The following KIF13B variants were observed in gnomAD, a reference collection of about 807,000 sequenced individuals.
The protein encoded by KIF13B is kinesin family member 13B.
KIF13B carries 127 observed loss-of-function variants against 222.0 expected under a neutral mutation model. The observed-to-expected ratio is 0.57, with a 90% CI of 0.50 to 0.66. The LOEUF is 0.66. Ranked by LOEUF, KIF13B falls within the 30% of genes least tolerant of loss-of-function variation. KIF13B has a pLI of 0.00. For synonymous variants in KIF13B, 976 were observed against 919.0 expected, an observed-to-expected ratio of 1.06 and a Z score of -1.12; for missense variants, 2,173 against 2,379.0, an observed-to-expected ratio of 0.91 and a Z score of 1.80.
intron 1 of KIF13B, among the ~76,000 whole-genome samples, chr8:29,252,573 G>A (rs1326931846): frequency 1.3e-5 from 2 of 152,048 alleles, no homozygotes; most frequent in African/African-American, 4.8e-5. Context: ...TTTAAAGATA[G>A]ATAATAAGCT....
chr8:29,116,933 C>A lies in KIF13B; in HGVS notation c.3735G>T (p.Glu1245Asp). The A allele has an allele frequency of 1.9e-6, 3 of 1,613,236 alleles. No individual in the cohort carries two copies. Among genetic ancestry groups the A allele is most frequent in the Non-Finnish European group, 2.5e-6 (3 of 1,179,378 alleles). ...TCACGCGCACGATCAGGAACAACCG[C>A]TCGTCCACGGGCGTGCCCCTGCTGA... ...PQLSRGTPVDERLFLIVRVTV... is the reference protein window; with the variant it reads ...PQLSRGTPVDDRLFLIVRVTV... Residue 1245 changes from glutamate (E) to aspartate (D), a missense_variant, in exon 31 of 40, where the codon GAG (glutamate) becomes GAT (aspartate). Transcript: ENST00000524189.
chr8:29,245,586 T>C (rs780665290), intron 1 of KIF13B, 147 bp from the exon 2 acceptor site: 4 of 609,580 alleles, frequency 6.6e-6, no homozygotes, highest in Non-Finnish European at 1.1e-5. Context: ...CTCCACTTGA[T>C]AAGGAGCACC....
intron 8 of KIF13B, among the ~76,000 whole-genome samples, chr8:29,178,790 T>A (rs1812591042): frequency 6.6e-6 from 1 of 152,032 alleles, no homozygotes; most frequent in African/African-American, 2.4e-5. Flanking sequence ...CAGATGAAAA[T>A]CCTGCCAAAA....
chr8:29,070,915 T>C lies in KIF13B; in HGVS notation c.5219-149A>G. ...CAGCACTCGGACACTGGCCATTGTCTGGCAGGGACTGGCTAAATGAATGTG... is the reference window on the plus strand; with the variant it reads ...CAGCACTCGGACACTGGCCATTGTCCGGCAGGGACTGGCTAAATGAATGTG... On this transcript the variant is annotated intron_variant, in intron 39 of 39. Transcript: ENST00000524189. The surrounding 1 kb of genome is among the most constrained non-coding windows in gnomAD (Gnocchi z 4.1). 1.1e-6 allele frequency: 1 copy of C among 874,454 alleles called. No individual in the cohort carries two copies. The highest frequency in any genetic ancestry group is 1.8e-6 in the Non-Finnish European group (1 of 570,972). 54.2% of individuals were successfully genotyped at this position (874,454 alleles called of 1,614,324 possible).
At chr8:29,226,875 G>C (rs1021009116) in intron 2 of KIF13B, among the ~76,000 whole-genome samples, 3 of 150,734 alleles carry the variant, frequency 2.0e-5, no homozygotes, top group African/African-American at 7.3e-5. Flanking sequence ...GTTGGAAAAT[G>C]GAAGCAATTA....
At chr8:29,123,293 C>T (rs950147611) in intron 28 of KIF13B, 73 bp downstream of exon 28, 74 of 1,566,208 alleles carry the variant, frequency 4.7e-5, no homozygotes, top group African/African-American at 1.6e-4. Flanking sequence ...CCGTAGCACA[C>T]GCAAAATTCA....
chr8:29,101,129 A>G (rs1314382227), intron 35 of KIF13B, among the ~76,000 whole-genome samples: 1 of 152,172 alleles, frequency 6.6e-6, no homozygotes, highest in Non-Finnish European at 1.5e-5. Flanking sequence ...ACGCTGATTT[A>G]CATACTTGAA....
chr8:29,181,974 C>T lies in KIF13B; in HGVS notation c.530G>A (p.Ser177Asn). 6.2e-7 allele frequency: 1 copy of T among 1,613,566 alleles called. No homozygotes were observed. Among genetic ancestry groups the T allele is most frequent in the South Asian group, 1.1e-5 (1 of 90,988 alleles). ...TCCGTCGACATAAGGTCCCAACACA[C>T]TATGCTCTCTGACTTTCAACGTCTG... The part of the protein sequence containing the change: ...SRQTLKVREH[S>N]VLGPYVDGLS... Residue 177 changes from serine (S) to asparagine (N), a missense_variant, in exon 7 of 40, where the codon AGT (serine) becomes AAT (asparagine). Coordinates refer to ENST00000524189, the MANE Select transcript of KIF13B (RefSeq NM_015254.4).
chr8:29,135,275 G>C (rs568909409), intron 21 of KIF13B, among the ~76,000 whole-genome samples: 1 of 152,146 alleles, frequency 6.6e-6, no homozygotes, highest in Admixed American at 6.5e-5. Flanking sequence ...GAATTCCTGA[G>C]CTCAAGTGAT....
chr8:29,134,352 G>A (rs17059696), intron 21 of KIF13B, 142 bp from the exon 22 acceptor site: 101,077 of 701,972 alleles, frequency 0.14, 8,351 homozygotes, highest in African/African-American at 0.26. Context: ...CCCTGAGACT[G>A]GACTTCTGCA....
At chr8:29,113,607 T>C in intron 31 of KIF13B, 52 bp from the exon 32 acceptor site, 1 of 1,083,156 alleles carries the variant, frequency 9.2e-7, no homozygotes, top group Non-Finnish European at 1.4e-6. Context: ...AAACTGAGTT[T>C]ACATTAACAA....
At chr8:29,261,748 C>T (rs1816686785) in intron 1 of KIF13B, among the ~76,000 whole-genome samples, 1 of 152,112 alleles carries the variant, frequency 6.6e-6, no homozygotes, top group African/African-American at 2.4e-5. Flanking sequence ...GAAAAAAACT[C>T]ACCTGACAGC....
chr8:29,071,652 G>C lies in KIF13B; in HGVS notation c.5186C>G (p.Thr1729Arg). ...CAGGTCGAGCTCCACGCCGACCCAC[G>C]TGCCCTCTTGGAAGTCGGCAGGCCC... is the stretch of plus-strand genomic sequence containing the variant. Reference protein sequence around the residue: ...YVGPADFQEGTWVGVELDLPS... With the variant: ...YVGPADFQEGRWVGVELDLPS... Residue 1729 changes from threonine to arginine, a missense_variant, in exon 39 of 40, where the codon ACG becomes AGG. This residue lies in a region of KIF13B where 693 missense variants were observed against 656.2 expected (regional missense o/e 1.06). Transcript: ENST00000524189. The surrounding 1 kb of genome is among the most constrained non-coding windows in gnomAD (Gnocchi z 4.9). The C allele has an allele frequency of 1.3e-6, 2 of 1,555,100 alleles. No homozygotes were observed. The highest frequency in any genetic ancestry group is 8.7e-7 in the Non-Finnish European group (1 of 1,149,910).
In KIF13B at chr8:29,238,821, C is replaced by T. The variant is rs184676547; in HGVS notation, c.149+6525G>A. Reference sequence around the variant, plus strand: ...TGACACCCAAACCTCCAAATGCTTTCAACCTCCAAACGTTCTGGTCTCAAA... The same window carrying T: ...TGACACCCAAACCTCCAAATGCTTTTAACCTCCAAACGTTCTGGTCTCAAA... On this transcript the variant is annotated intron_variant, in intron 2 of 39. Coordinates refer to ENST00000524189, the MANE Select transcript of KIF13B (RefSeq NM_015254.4). Among the ~76,000 whole-genome samples, 719 of 152,298 alleles carry T rather than the reference C, an allele frequency of 4.7e-3. 3 individuals are homozygous for T. The highest frequency in any genetic ancestry group is 6.6e-3 in the Non-Finnish European group (450 of 68,022).
intron 3 of KIF13B, among the ~76,000 whole-genome samples, chr8:29,195,098 C>A (rs1235532637): frequency 6.6e-6 from 1 of 151,808 alleles, no homozygotes; most frequent in East Asian, 1.9e-4. Context: ...AAATACAAAA[C>A]CCAGCTTGGT....
intron 29 of KIF13B, among the ~76,000 whole-genome samples, chr8:29,120,444 C>T (rs1030830686): frequency 2.5e-5 from 1 of 40,080 alleles, no homozygotes; most frequent in Admixed American, 2.8e-4. Context: ...GTTTTTTGTT[C>T]TTGCGATAGT....
chr8:29,207,194 G>A (rs938960997), intron 2 of KIF13B, among the ~76,000 whole-genome samples: 21 of 152,092 alleles, frequency 1.4e-4, no homozygotes, highest in African/African-American at 3.4e-4. Context: ...TCCTACGCCC[G>A]TGCTTATGCC....
At chr8:29,246,987 T>C (rs1816055080) in intron 1 of KIF13B, among the ~76,000 whole-genome samples, 1 of 152,164 alleles carries the variant, frequency 6.6e-6, no homozygotes, top group Admixed American at 6.5e-5. Flanking sequence ...AACTATTAAG[T>C]TCTTAGAAGA....
chr8:29,068,436 A>T lies in KIF13B; in HGVS notation c.*2068T>A, dbSNP rs1451296699. 3 of 152,248 alleles carry T rather than the reference A, an allele frequency of 2.0e-5. No individual in the cohort carries two copies. The highest frequency in any genetic ancestry group is 7.2e-5 in the African/African-American group (3 of 41,402). 9.4% of individuals were successfully genotyped at this position (152,248 alleles called of 1,614,324 possible). On this transcript the variant is annotated 3_prime_UTR_variant, in exon 40 of 40. Coordinates refer to ENST00000524189, the MANE Select transcript of KIF13B (RefSeq NM_015254.4). This position sits in a 1 kb window ranked among gnomAD's most constrained non-coding sequence, Gnocchi z 4.4. ...AAGCTGACATTAGTCCGCACCGAGAAGCAAGAGTGAACAGGGCCTGGGCCC... is the reference window on the plus strand; with the variant it reads ...AAGCTGACATTAGTCCGCACCGAGATGCAAGAGTGAACAGGGCCTGGGCCC...
Sources: allele counts gnomAD v4.1 joint callset (sites outside exome capture counted in the v4.1 genomes callset), GRCh38; gene constraint gnomAD v4.1.1; regional missense constraint gnomAD v4.1.1; non-coding constraint Gnocchi (gnomAD v3.1); transcripts MANE v1.5; gene names NCBI Gene and HGNC (gene_info 2026-07-23, HGNC 2026-07-21).